SEL1L: variants seen among roughly 807,000 people sequenced by gnomAD.
SEL1L encodes the protein protein sel-1 homolog 1.
SEL1L carries 52 observed loss-of-function variants against 109.8 expected under a neutral mutation model. The ratio of observed to expected loss-of-function variants is 0.47; its 90% CI spans 0.38 to 0.60. The LOEUF (loss-of-function observed/expected upper bound fraction) is 0.60. SEL1L is among the 20% of genes least tolerant of loss of function. The pLI, the probability that SEL1L is intolerant of heterozygous loss-of-function variation, is 0.00. For synonymous variants in SEL1L, 373 were observed against 339.6 expected (o/e 1.10, Z -1.08); for missense variants, 749 against 962.2 (o/e 0.78, Z 2.93).
intron 3 of SEL1L, among the ~76,000 whole-genome samples, chr14:81,512,832 A>T (rs1005459841): frequency 1.3e-5 from 2 of 152,240 alleles, no homozygotes; most frequent in Non-Finnish European, 2.9e-5. Context: ...TTATTCATTC[A>T]TGATCAACAA....
intron 6 of SEL1L, 121 bp downstream of exon 6, chr14:81,502,600 C>T: frequency 1.0e-6 from 1 of 991,870 alleles, no homozygotes; most frequent in Middle Eastern, 3.3e-4. Context: ...TGGTCAGCCA[C>T]AAAATTGGTA....
chr14:81,480,971 A>G (rs1903337911), intron 19 of SEL1L, among the ~76,000 whole-genome samples: 1 of 151,858 alleles, frequency 6.6e-6, no homozygotes. Context: ...GATCTACCCC[A>G]CTCTTTCCTC....
chr14:81,490,523 T>A, intron 12 of SEL1L, 58 bp from the exon 13 acceptor site: 1 of 1,304,884 alleles, frequency 7.7e-7, no homozygotes, highest in Non-Finnish European at 1.1e-6. Context: ...ATTACATTTT[T>A]CTCCTTTCTC....
At chr14:81,479,448 C>G in intron 20 of SEL1L, 164 bp downstream of exon 20, 3 of 504,516 alleles carry the variant, frequency 5.9e-6, no homozygotes, top group Middle Eastern at 3.8e-4. Context: ...CTGCATTTAT[C>G]CCTCCCCTGA....
intron 10 of SEL1L, among the ~76,000 whole-genome samples, chr14:81,495,957 A>G (rs1394011855): frequency 1.3e-5 from 2 of 152,124 alleles, no homozygotes; most frequent in African/African-American, 4.8e-5. Flanking sequence ...AAATGAATAA[A>G]CAAAACAAAA....
intron 3 of SEL1L, among the ~76,000 whole-genome samples, chr14:81,524,634 G>A (rs1363592568): frequency 6.6e-6 from 1 of 152,230 alleles, no homozygotes; most frequent in Non-Finnish European, 1.5e-5. Flanking sequence ...CACTGTGGGA[G>A]GCCAAGGTGG....
intron 4 of SEL1L, among the ~76,000 whole-genome samples, 174 bp from the exon 5 acceptor site, chr14:81,504,480 A>T (rs922961428): frequency 1.2e-4 from 16 of 131,596 alleles, no homozygotes; most frequent in African/African-American, 3.7e-4. Context: ...GATAAAACTT[A>T]AAAAAAATAT....
rs1474291070 is a variant in SEL1L at position 81,498,460 on chromosome 14, T to C, written c.926A>G (p.Gln309Arg). 7.4e-6 allele frequency: 12 copies of C among 1,614,046 alleles called. No individual in the cohort carries two copies. The highest frequency in any genetic ancestry group is 2.2e-5 in the East Asian group (1 of 44,870). The change falls in exon 9 of 21, where the codon CAG (glutamine) becomes CGG (arginine). Residue 309 changes from glutamine (Q) to arginine (R), a missense_variant. By Grantham distance (43) the Gln-to-Arg change is conservative. Coordinates refer to ENST00000336735, the MANE Select transcript of SEL1L (RefSeq NM_005065.6). ...YRYWAGIGVLQSCESALTHYR... is the reference protein window; with the variant it reads ...YRYWAGIGVLRSCESALTHYR... ...GTGAGTCAGGGCAGATTCACAACTC[T>C]GGAGGACGCCGATGCCAGCCCAGTA...
At chr14:81,481,620 G>T (rs946921404) in intron 19 of SEL1L, among the ~76,000 whole-genome samples, 1 of 152,090 alleles carries the variant, frequency 6.6e-6, no homozygotes, top group Non-Finnish European at 1.5e-5. Flanking sequence ...TCCAATTATA[G>T]TCAATCCTCA....
chr14:81,518,585 AG>A (rs1566624534), intron 3 of SEL1L, among the ~76,000 whole-genome samples: 1 of 149,732 alleles, frequency 6.7e-6, no homozygotes, highest in African/African-American at 2.5e-5. Context: ...GCTTGAACCC[AG>A]GAGGCGAAGG....
At chr14:81,493,172 G>T (rs1343633144) in intron 11 of SEL1L, among the ~76,000 whole-genome samples, 1 of 151,848 alleles carries the variant, frequency 6.6e-6, no homozygotes, top group Non-Finnish European at 1.5e-5. Context: ...TCCCTCTTTT[G>T]GAACCAGTTC....
At chr14:81,532,077 T>C (rs113005162) in intron 1 of SEL1L, among the ~76,000 whole-genome samples, 9 of 152,324 alleles carry the variant, frequency 5.9e-5, no homozygotes, top group African/African-American at 2.2e-4. Context: ...TATTACAACA[T>C]CCTGAAAGCC....
intron 3 of SEL1L, among the ~76,000 whole-genome samples, chr14:81,516,087 C>T (rs1433375497): frequency 6.6e-6 from 1 of 152,184 alleles, no homozygotes; most frequent in African/African-American, 2.4e-5. Context: ...TATGCCGAGG[C>T]AATCACTGGA....
intron 11 of SEL1L, among the ~76,000 whole-genome samples, chr14:81,494,588 A>G: frequency 6.6e-6 from 1 of 152,156 alleles, no homozygotes; most frequent in East Asian, 1.9e-4. Context: ...CAGACTAGCC[A>G]TATTCCTTCC....
chr14:81,477,561 C>T (rs1903205686), intron 20 of SEL1L, among the ~76,000 whole-genome samples: 1 of 152,068 alleles, frequency 6.6e-6, no homozygotes, highest in South Asian at 2.1e-4. Flanking sequence ...CCTTGTAATC[C>T]CAGCACTTTG....
Position 81,486,276 on chromosome 14 carries a change from A to C in SEL1L, c.1798+13T>G. 1 of 1,613,842 alleles carries C rather than the reference A, an allele frequency of 6.2e-7. No individual in the cohort carries two copies. Among genetic ancestry groups the C allele is most frequent in the African/African-American group, 1.3e-5 (1 of 75,038 alleles). ...ACATTCTAAACCTAAGGCAGGACTA[A>C]AATGAACCTTACTCTGATCAAGAAT... On this transcript the variant is annotated intron_variant, in intron 17 of 20. Transcript: ENST00000336735.
chr14:81,477,274 A>G, intron 20 of SEL1L, 93 bp from the exon 21 acceptor site: 1 of 1,021,602 alleles, frequency 9.8e-7, no homozygotes, highest in Non-Finnish European at 1.5e-6. Context: ...TACAGAAATT[A>G]AAATAATTTG....
At position 81,477,045 on chromosome 14, in the gene SEL1L, G is replaced by A. The variant is rs763861749; in HGVS notation, c.2312C>T (p.Ala771Val). The change falls in exon 21 of 21, where the codon GCA becomes GTA. Residue 771 changes from alanine (A) to valine (V), a missense_variant. Ala to Val is a moderately conservative substitution (Grantham distance 64). Around this residue, in one of 2 missense-constraint regions of SEL1L, gnomAD observed 383 missense variants for 562.5 expected, o/e 0.68. Coordinates refer to ENST00000336735, the MANE Select transcript of SEL1L (RefSeq NM_005065.6). ...TGGCCGTGGCCCTGGAGGCCTGGGT[G>A]CAGGCATGTCTTGGTGCTGCCTTTG... is the stretch of plus-strand genomic sequence containing the variant. ...YRQRQHQDMP[A>V]PRPPGPRPAP... is the part of the protein sequence containing the mutation. 4 of 1,614,062 alleles carry A rather than the reference G, an allele frequency of 2.5e-6. No homozygotes were observed. Among genetic ancestry groups the A allele is most frequent in the Non-Finnish European group, 3.4e-6 (4 of 1,180,044 alleles).
chr14:81,497,877 T>C lies in SEL1L; in HGVS notation c.1128+15A>G, dbSNP rs754301015. 3.6e-5 allele frequency: 58 copies of C among 1,609,080 alleles called. 1 individual carries two copies. In the East Asian group the frequency reaches 1.3e-3, roughly 35 times the overall value. The stretch of plus-strand genomic sequence containing the variant: ...AATGCAGTAAAGATATTTGGTGAGA[T>C]GTTCAAACACGTACCTGTGCTTGTA... On this transcript the variant is annotated intron_variant, in intron 10 of 20. Coordinates refer to ENST00000336735, the MANE Select transcript of SEL1L (RefSeq NM_005065.6).
Sources: gnomAD v4.1 joint callset for allele counts (sites outside exome capture counted in the v4.1 genomes callset) on GRCh38, gnomAD v4.1.1 for gene constraint, gnomAD v4.1.1 regional missense constraint, MANE v1.5 for transcripts, NCBI Gene and HGNC (gene_info 2026-07-23, HGNC 2026-07-21) for gene names.